The following KCNQ3 variants were observed in gnomAD, a reference collection of about 807,000 sequenced individuals.
The protein encoded by KCNQ3 is potassium voltage-gated channel subfamily Q member 3, also known as potassium voltage-gated channel subfamily KQT member 3.
KCNQ3 carries 30 observed loss-of-function variants against 92.5 expected under a neutral mutation model. The ratio of observed to expected loss-of-function variants is 0.32; its 90% CI spans 0.24 to 0.44. The LOEUF (loss-of-function observed/expected upper bound fraction) is 0.44, where lower values mean the gene tolerates loss of function less well. Among genes scored for constraint, KCNQ3 ranks in the 20% least tolerant of loss-of-function variants. KCNQ3 has a pLI of 1.00. For missense variants in KCNQ3, 913 were observed against 1,140.3 expected, an observed-to-expected ratio of 0.80 and a Z score of 2.87; for synonymous variants, 450 against 468.8, an observed-to-expected ratio of 0.96 and a Z score of 0.52.
At chr8:132,195,606 G>C (rs1827278706) in intron 1 of KCNQ3, among the ~76,000 whole-genome samples, 1 of 152,154 alleles carries the variant, frequency 6.6e-6, no homozygotes. Flanking sequence ...CAAGGATACT[G>C]ATTATGCCAA....
chr8:132,357,025 CAACAACAACA>C (rs1437541058), intron 1 of KCNQ3, among the ~76,000 whole-genome samples: 3 of 151,802 alleles, frequency 2.0e-5, no homozygotes, highest in African/African-American at 7.3e-5. Flanking sequence ...ACAACAACAA[CAACAACAACA>C]AAAACTAAGG....
At chr8:132,401,064 G>T (rs917332195) in intron 1 of KCNQ3, among the ~76,000 whole-genome samples, 3 of 152,142 alleles carry the variant, frequency 2.0e-5, no homozygotes, top group African/African-American at 2.4e-5. Context: ...TCCAGGCTAG[G>T]GTGAAATCCA....
At chr8:132,447,739 G>A (rs901858299) in intron 1 of KCNQ3, among the ~76,000 whole-genome samples, 1 of 152,180 alleles carries the variant, frequency 6.6e-6, no homozygotes, top group Non-Finnish European at 1.5e-5. Context: ...GACTGCCTCT[G>A]GGGAAGGGGC....
At chr8:132,322,079 G>A (rs186853199) in intron 1 of KCNQ3, among the ~76,000 whole-genome samples, 1 of 152,312 alleles carries the variant, frequency 6.6e-6, no homozygotes, top group Admixed American at 6.5e-5. Flanking sequence ...AAAGAAGAGG[G>A]GCGGAGAGAG....
chr8:132,414,797 A>T (rs759977264), intron 1 of KCNQ3, among the ~76,000 whole-genome samples: 16 of 152,228 alleles, frequency 1.1e-4, no homozygotes, highest in Non-Finnish European at 2.1e-4. Flanking sequence ...GACCCACCTC[A>T]TTTCACAAGG....
chr8:132,276,234 T>A (rs2130513278), intron 1 of KCNQ3, among the ~76,000 whole-genome samples: 1 of 152,350 alleles, frequency 6.6e-6, no homozygotes, highest in Admixed American at 6.5e-5. Flanking sequence ...TAGAAATGGT[T>A]CTTGACACTT....
chr8:132,456,323 C>T (rs1563918400), intron 1 of KCNQ3, among the ~76,000 whole-genome samples: 1 of 152,182 alleles, frequency 6.6e-6, no homozygotes, highest in African/African-American at 2.4e-5. Flanking sequence ...CTGGAACAAG[C>T]CCACTGCTTC....
intron 1 of KCNQ3, among the ~76,000 whole-genome samples, chr8:132,392,311 A>C (rs1820068135): frequency 6.6e-6 from 1 of 152,036 alleles, no homozygotes; most frequent in Non-Finnish European, 1.5e-5. Context: ...GTGTTTTTTA[A>C]AACAGAGGTG....
chr8:132,385,950 G>A (rs532102298), intron 1 of KCNQ3, among the ~76,000 whole-genome samples: 132 of 151,614 alleles, frequency 8.7e-4, no homozygotes, highest in African/African-American at 3.0e-3. Context: ...AAAAAATCAA[G>A]TCTAACAATT....
At chr8:132,197,994 A>G (rs758166652) in intron 1 of KCNQ3, among the ~76,000 whole-genome samples, 3 of 152,192 alleles carry the variant, frequency 2.0e-5, no homozygotes, top group African/African-American at 4.8e-5. Context: ...TCACATTCTT[A>G]GGTAATTCCC....
chr8:132,432,571 C>T (rs1821281253), intron 1 of KCNQ3, among the ~76,000 whole-genome samples: 1 of 152,150 alleles, frequency 6.6e-6, no homozygotes, highest in South Asian at 2.1e-4. Context: ...CCTTTCCATT[C>T]CAAACTCGAC....
chr8:132,321,130 G>T (rs1817881674), intron 1 of KCNQ3, among the ~76,000 whole-genome samples: 1 of 152,184 alleles, frequency 6.6e-6, no homozygotes. Flanking sequence ...GTAGTTGATT[G>T]GTTTGGAACA....
chr8:132,348,519 T>G (rs536453166), intron 1 of KCNQ3, among the ~76,000 whole-genome samples: 1 of 152,254 alleles, frequency 6.6e-6, no homozygotes, highest in Non-Finnish European at 1.5e-5. Context: ...ATGGTGTCAC[T>G]GGCCACCTCA....
intron 1 of KCNQ3, among the ~76,000 whole-genome samples, chr8:132,468,396 G>A (rs1822228782): frequency 6.6e-6 from 1 of 152,208 alleles, no homozygotes; most frequent in Non-Finnish European, 1.5e-5. Flanking sequence ...TCTCCAAGAA[G>A]ACACCATCAA....
intron 1 of KCNQ3, among the ~76,000 whole-genome samples, chr8:132,460,265 G>A (rs528753646): frequency 2.6e-5 from 4 of 152,162 alleles, no homozygotes; most frequent in South Asian, 2.1e-4. Context: ...AGCTGACAGC[G>A]CAAGGATATA....
At chr8:132,306,868 A>C (rs1817442124) in intron 1 of KCNQ3, among the ~76,000 whole-genome samples, 1 of 152,114 alleles carries the variant, frequency 6.6e-6, no homozygotes, top group African/African-American at 2.4e-5. Flanking sequence ...TTTATATCTT[A>C]AGTTGAGAGG....
intron 1 of KCNQ3, among the ~76,000 whole-genome samples, chr8:132,314,612 A>G (rs1193352295): frequency 1.3e-5 from 2 of 152,238 alleles, no homozygotes; most frequent in Non-Finnish European, 2.9e-5. Context: ...AACAGGAATT[A>G]TTGAGTAGAG....
chr8:132,464,225 A>C (rs1411820410), intron 1 of KCNQ3, among the ~76,000 whole-genome samples: 2 of 152,242 alleles, frequency 1.3e-5, no homozygotes, highest in Non-Finnish European at 2.9e-5. Context: ...TACCATGTGC[A>C]CAGACATGTT....
intron 1 of KCNQ3, chr8:132,447,293 G>C (rs1256739870): frequency 6.6e-7 from 1 of 1,520,058 alleles, no homozygotes; most frequent in Non-Finnish European, 8.8e-7. Context: ...TAACCCTAAA[G>C]CAGGGCAGAA....
Sources: gnomAD v4.1 joint callset for allele counts (sites outside exome capture counted in the v4.1 genomes callset) on GRCh38, gnomAD v4.1.1 for gene constraint, MANE v1.5 for transcripts, NCBI Gene and HGNC (gene_info 2026-07-23, HGNC 2026-07-21) for gene names.